L3MBTL4: variants seen among roughly 807,000 people sequenced by gnomAD.
The protein encoded by L3MBTL4 is L3MBTL histone methyl-lysine binding protein 4, also known as lethal(3)malignant brain tumor-like protein 4.
In L3MBTL4, 70 loss-of-function variants were observed where a neutral mutation model predicts 84.5. The ratio of observed to expected loss-of-function variants is 0.83; its 90% CI spans 0.68 to 1.01. The LOEUF (loss-of-function observed/expected upper bound fraction) is 1.01. Among genes scored for constraint, L3MBTL4 ranks in the 50% least tolerant of loss-of-function variants. L3MBTL4 has a pLI of 0.00. For missense variants in L3MBTL4, 715 were observed against 754.8 expected (o/e 0.95, Z 0.62); for synonymous variants, 274 against 259.8 (o/e 1.05, Z -0.52).
intron 3 of L3MBTL4, among the ~76,000 whole-genome samples, chr18:6,305,232 C>T (rs1320379754): frequency 1.3e-5 from 2 of 152,164 alleles, no homozygotes; most frequent in Non-Finnish European, 2.9e-5. Context: ...AGGGAAAATG[C>T]TGAATTTAGG....
chr18:6,136,643 T>C (rs551792864), intron 14 of L3MBTL4, among the ~76,000 whole-genome samples: 19 of 152,128 alleles, frequency 1.2e-4, no homozygotes, highest in Middle Eastern at 3.2e-3. Context: ...TTCACCTACA[T>C]AGAGTGTACC....
intron 4 of L3MBTL4, among the ~76,000 whole-genome samples, chr18:6,278,749 C>A (rs1234066432): frequency 2.0e-5 from 3 of 152,116 alleles, no homozygotes; most frequent in Non-Finnish European, 4.4e-5. Context: ...AAATGTTCAA[C>A]CTTTTCCTGA....
At chr18:6,129,781 T>C (rs2059818412) in intron 14 of L3MBTL4, among the ~76,000 whole-genome samples, 1 of 152,206 alleles carries the variant, frequency 6.6e-6, no homozygotes, top group African/African-American at 2.4e-5. Context: ...TGTTTTGTTT[T>C]GAGAATTTAC....
At chr18:6,318,169 C>T (rs761372244) in intron 1 of L3MBTL4, among the ~76,000 whole-genome samples, 6 of 151,942 alleles carry the variant, frequency 3.9e-5, no homozygotes, top group Non-Finnish European at 8.8e-5. Flanking sequence ...GCATAAAACT[C>T]ACAGGGCCTA....
chr18:6,012,617 G>A (rs2054786661), intron 16 of L3MBTL4, among the ~76,000 whole-genome samples: 2 of 151,430 alleles, frequency 1.3e-5, no homozygotes, highest in African/African-American at 4.9e-5. Flanking sequence ...CTGAGGCTGG[G>A]AGTTCAAGAC....
At chr18:5,958,669 C>T (rs1389598953) in intron 18 of L3MBTL4, among the ~76,000 whole-genome samples, 1 of 152,062 alleles carries the variant, frequency 6.6e-6, no homozygotes, top group Non-Finnish European at 1.5e-5. Flanking sequence ...TTGTTGGAGC[C>T]CAGAGGAGAC....
chr18:6,037,655 G>A (rs550779851), intron 16 of L3MBTL4, among the ~76,000 whole-genome samples: 1 of 152,316 alleles, frequency 6.6e-6, no homozygotes, highest in Admixed American at 6.5e-5. Context: ...CTACTAACAG[G>A]TGAAGTATTC....
intron 14 of L3MBTL4, among the ~76,000 whole-genome samples, chr18:6,118,208 AAC>A (rs60207558): frequency 2.1e-4 from 30 of 141,670 alleles, no homozygotes; most frequent in East Asian, 6.7e-4. Context: ...AACACACACA[AAC>A]ACACACACAC....
intron 1 of L3MBTL4, among the ~76,000 whole-genome samples, chr18:6,410,655 T>G (rs2144749899): frequency 6.6e-6 from 1 of 151,964 alleles, no homozygotes; most frequent in South Asian, 2.1e-4. Flanking sequence ...AAACACATTC[T>G]CTCTGGCTAG....
intron 5 of L3MBTL4, among the ~76,000 whole-genome samples, chr18:6,248,817 C>G (rs546768377): frequency 3.9e-5 from 6 of 152,154 alleles, no homozygotes; most frequent in African/African-American, 1.2e-4. Flanking sequence ...TGTATAGGTA[C>G]CCCAGCTCAT....
chr18:6,334,627 T>C (rs1052185677), intron 1 of L3MBTL4, among the ~76,000 whole-genome samples: 1 of 152,170 alleles, frequency 6.6e-6, no homozygotes, highest in South Asian at 2.1e-4. Flanking sequence ...TTCTTACTAG[T>C]GGTCCTTAAA....
At chr18:6,101,905 C>A (rs550674356) in intron 14 of L3MBTL4, among the ~76,000 whole-genome samples, 6 of 152,230 alleles carry the variant, frequency 3.9e-5, no homozygotes, top group Admixed American at 6.5e-5. Flanking sequence ...AGTCGAAATT[C>A]TTTTGCATGG....
chr18:6,173,992 G>A (rs563136661), intron 12 of L3MBTL4, among the ~76,000 whole-genome samples: 1 of 152,076 alleles, frequency 6.6e-6, no homozygotes, highest in African/African-American at 2.4e-5. Context: ...TTGACAATTT[G>A]ACTGAGACAC....
At chr18:6,087,517 G>T (rs1402032203) in intron 15 of L3MBTL4, among the ~76,000 whole-genome samples, 1 of 152,140 alleles carries the variant, frequency 6.6e-6, no homozygotes, top group Non-Finnish European at 1.5e-5. Flanking sequence ...GGAGCTGGAG[G>T]GGGGCTGCTC....
chr18:6,374,582 A>G (rs1203835916), intron 1 of L3MBTL4, among the ~76,000 whole-genome samples: 1 of 152,214 alleles, frequency 6.6e-6, no homozygotes, highest in African/African-American at 2.4e-5. Flanking sequence ...TTCCATGATT[A>G]CAGTCAAAAT....
At chr18:6,240,401 TATATAATTTATATATATTTAAC>T (rs1439713115) in intron 8 of L3MBTL4, among the ~76,000 whole-genome samples, 1 of 149,748 alleles carries the variant, frequency 6.7e-6, no homozygotes, top group Non-Finnish European at 1.5e-5. Flanking sequence ...TGTGTATTTA[TATATAATTTATATATATTTAAC>T]ATATAATTTA....
chr18:6,175,281 T>A (rs543010501), intron 12 of L3MBTL4, among the ~76,000 whole-genome samples: 3 of 152,090 alleles, frequency 2.0e-5, no homozygotes, highest in African/African-American at 7.2e-5. Flanking sequence ...AATGACATCT[T>A]TAAAACGCTA....
At chr18:6,276,345 C>T (rs577325105) in intron 4 of L3MBTL4, among the ~76,000 whole-genome samples, 1 of 152,326 alleles carries the variant, frequency 6.6e-6, no homozygotes, top group East Asian at 1.9e-4. Context: ...TGAGACCTGT[C>T]TCCAGTACCT....
At chr18:6,188,137 G>A (rs1451069879) in intron 12 of L3MBTL4, among the ~76,000 whole-genome samples, 1 of 151,788 alleles carries the variant, frequency 6.6e-6, no homozygotes, top group African/African-American at 2.4e-5. Flanking sequence ...GGAATCCTGG[G>A]GTCTGGAATC....
Sources: gnomAD v4.1 joint callset for allele counts (sites outside exome capture counted in the v4.1 genomes callset) on GRCh38, gnomAD v4.1.1 for gene constraint, MANE v1.5 for transcripts, NCBI Gene and HGNC (gene_info 2026-07-23, HGNC 2026-07-21) for gene names.